The following DLG2 variants were observed in gnomAD, a reference collection of about 807,000 sequenced individuals.
DLG2 encodes disks large homolog 2.
A neutral mutation model predicts 132.5 loss-of-function variants in DLG2; 45 were observed. The ratio of observed to expected loss-of-function variants is 0.34; its 90% CI spans 0.27 to 0.44. The LOEUF is 0.44. DLG2 is among the 20% of genes least tolerant of loss of function. The pLI is 1.00. For synonymous variants in DLG2, 424 were observed against 419.6 expected (o/e 1.01, Z -0.13); for missense variants, 1,045 against 1,196.9 (o/e 0.87, Z 1.87).
At chr11:85,322,431 T>C (rs531068564) in intron 3 of DLG2, among the ~76,000 whole-genome samples, 1 of 152,286 alleles carries the variant, frequency 6.6e-6, no homozygotes, top group African/African-American at 2.4e-5. Flanking sequence ...GAGCACAGTT[T>C]AAGTAAAATC....
intron 3 of DLG2, among the ~76,000 whole-genome samples, chr11:85,330,931 A>G (rs2152839329): frequency 6.6e-6 from 1 of 152,062 alleles, no homozygotes; most frequent in Admixed American, 6.5e-5. Flanking sequence ...GATTATTGGG[A>G]TTTCCCATGT....
chr11:83,483,775 A>G (rs568734079), intron 22 of DLG2, among the ~76,000 whole-genome samples: 15 of 152,310 alleles, frequency 9.8e-5, no homozygotes, highest in Non-Finnish European at 1.6e-4. Context: ...TCCAAAAAAC[A>G]TATGTGGCAA....
chr11:83,665,973 A>G (rs2075437148), intron 18 of DLG2, among the ~76,000 whole-genome samples: 1 of 152,090 alleles, frequency 6.6e-6, no homozygotes, highest in South Asian at 2.1e-4. Flanking sequence ...GGCCCCCTCC[A>G]ACTTGACCCA....
intron 7 of DLG2, among the ~76,000 whole-genome samples, chr11:84,463,891 A>G (rs1317871801): frequency 3.3e-5 from 5 of 151,186 alleles, no homozygotes; most frequent in Non-Finnish European, 7.4e-5. Context: ...TTAGTAGACT[A>G]AGAGAGAAAG....
chr11:85,604,651 T>C (rs1366588300), intron 2 of DLG2, among the ~76,000 whole-genome samples: 1 of 151,786 alleles, frequency 6.6e-6, no homozygotes, highest in Admixed American at 6.6e-5. Context: ...AAAAGCTAAA[T>C]TTGGATTACT....
rs1272973829 is a variant in DLG2, at chr11:85,009,058, C to G, written c.357+102603G>C. On this transcript the variant is annotated intron_variant, in intron 6 of 27. Coordinates refer to ENST00000376104, the MANE Select transcript of DLG2 (RefSeq NM_001142699.3). ...TAAGGCGGGAAATAGGCCTGTAGAA[C>G]TGAAATATAGAAATTAATAAGAGAG... Among the ~76,000 whole-genome samples, 5 of 151,602 alleles carry G rather than the reference C, an allele frequency of 3.3e-5. No homozygotes were observed. The East Asian group carries it at 9.6e-4, about 29-fold the overall frequency.
At chr11:84,573,309 T>G (rs1387572746) in intron 6 of DLG2, among the ~76,000 whole-genome samples, 1 of 152,126 alleles carries the variant, frequency 6.6e-6, no homozygotes, top group Admixed American at 6.6e-5. Flanking sequence ...CAATTTTCCA[T>G]TTATAACACT....
Position 83,581,214 on chromosome 11 carries a change from A to T in DLG2, c.1941-39356T>A, listed in dbSNP as rs548772496. ...GCCCTTCTGTCCATTCCATGGAGAC[A>T]TATTACTCCCATTTTGCTTAAGCTT... On this transcript the variant is annotated intron_variant, in intron 19 of 27. Transcript: ENST00000376104. 2.0e-5 allele frequency among the ~76,000 whole-genome samples: 3 copies of T among 152,088 alleles called. No individual in the cohort carries two copies. The East Asian group carries it at 5.8e-4, about 30-fold the overall frequency.
intron 6 of DLG2, among the ~76,000 whole-genome samples, chr11:84,998,334 T>C (rs2057875060): frequency 6.6e-6 from 1 of 152,092 alleles, no homozygotes; most frequent in South Asian, 2.1e-4. Context: ...GATGATCTTA[T>C]AAGCATCCGA....
chr11:84,193,220 G>A (rs985877731), intron 8 of DLG2, among the ~76,000 whole-genome samples: 2 of 152,182 alleles, frequency 1.3e-5, no homozygotes, highest in Non-Finnish European at 2.9e-5. Context: ...TCTGGCAGGA[G>A]CTTAGGAAGG....
intron 6 of DLG2, among the ~76,000 whole-genome samples, chr11:84,820,137 T>C (rs1309525560): frequency 2.6e-5 from 4 of 151,540 alleles, no homozygotes; most frequent in African/African-American, 9.7e-5. Context: ...AAGGCCATTA[T>C]ACCAAATACT....
chr11:83,568,772 C>T (rs2096750295), intron 19 of DLG2, among the ~76,000 whole-genome samples: 1 of 152,168 alleles, frequency 6.6e-6, no homozygotes, highest in Non-Finnish European at 1.5e-5. Flanking sequence ...AATTCTATCT[C>T]TCATCCCCTC....
At chr11:84,167,465 C>A (rs764636613) in intron 8 of DLG2, among the ~76,000 whole-genome samples, 6 of 151,968 alleles carry the variant, frequency 3.9e-5, no homozygotes, top group Non-Finnish European at 7.4e-5. Flanking sequence ...TAATCACCTG[C>A]CTGGATGATG....
intron 3 of DLG2, among the ~76,000 whole-genome samples, chr11:85,361,281 G>T (rs934705335): frequency 6.6e-6 from 1 of 151,404 alleles, no homozygotes; most frequent in African/African-American, 2.4e-5. Context: ...TCAGCCTCCC[G>T]AGTAGCTGCT....
At chr11:85,497,007 A>G (rs2093682411) in intron 3 of DLG2, among the ~76,000 whole-genome samples, 1 of 152,152 alleles carries the variant, frequency 6.6e-6, no homozygotes. Flanking sequence ...TCCAAAAACC[A>G]GAATGCCTCT....
chr11:85,571,143 T>C (rs1421469215), intron 3 of DLG2, among the ~76,000 whole-genome samples: 1 of 152,156 alleles, frequency 6.6e-6, no homozygotes, highest in African/African-American at 2.4e-5. Flanking sequence ...TTTTCTCCTG[T>C]GCATGGGCCA....
At chr11:85,164,000 T>A (rs2078237953) in intron 4 of DLG2, among the ~76,000 whole-genome samples, 1 of 152,124 alleles carries the variant, frequency 6.6e-6, no homozygotes, top group Admixed American at 6.6e-5. Context: ...GAAGCTTATT[T>A]AGCATTCTGA....
At chr11:83,817,558 ATTTTAAAAC>A (rs1199257234) in intron 17 of DLG2, among the ~76,000 whole-genome samples, 1 of 152,140 alleles carries the variant, frequency 6.6e-6, no homozygotes, top group African/African-American at 2.4e-5. Context: ...TTAATTTCTG[ATTTTAAAAC>A]TTTTATTATT....
In DLG2 at chr11:85,140,561, AT is replaced by A. The variant is rs796341642; in HGVS notation, c.282+13994del. On this transcript the variant is annotated intron_variant, in intron 5 of 27. Coordinates refer to ENST00000376104, the MANE Select transcript of DLG2 (RefSeq NM_001142699.3). ...GGGATATCCATCACCTCAGGAACTT[AT>A]TTTTTTTTTTGTATTAGACACATTC... Among the ~76,000 whole-genome samples the A allele has an allele frequency of 1.9e-3, 278 of 145,578 alleles. 2 individuals are homozygous for A. The highest frequency in any genetic ancestry group is 6.1e-3 in the South Asian group (28 of 4,614).
Sources: allele counts gnomAD v4.1 joint callset (sites outside exome capture counted in the v4.1 genomes callset), GRCh38; gene constraint gnomAD v4.1.1; transcripts MANE v1.5; gene names NCBI Gene and HGNC (gene_info 2026-07-23, HGNC 2026-07-21).